The following NSF variants were observed in gnomAD, a reference collection of about 807,000 sequenced individuals.
NSF encodes vesicle-fusing ATPase.
NSF carries 14 observed loss-of-function variants against 50.3 expected under a neutral mutation model. The ratio of observed to expected loss-of-function variants is 0.28; its 90% CI spans 0.18 to 0.44. NSF has a LOEUF of 0.44. Among genes scored for constraint, NSF ranks in the 20% least tolerant of loss-of-function variants. The probability of loss-of-function intolerance (pLI) is 1.00; values close to 1 mark genes in which losing one functional copy is unlikely to be tolerated. For missense variants in NSF, 218 were observed against 504.3 expected (o/e 0.43, Z 5.44); for synonymous variants, 109 against 175.7 (o/e 0.62, Z 3.00).
chr17:46,746,825 G>A (rs935529628), intron 17 of NSF, among the ~76,000 whole-genome samples: 1 of 152,138 alleles, frequency 6.6e-6, no homozygotes, highest in African/African-American at 2.4e-5. Context: ...CAGTAAAATG[G>A]GGATAGTAGT....
chr17:46,752,332 A>G (rs998899214), intron 19 of NSF, among the ~76,000 whole-genome samples: 4 of 152,138 alleles, frequency 2.6e-5, no homozygotes, highest in African/African-American at 9.7e-5. Flanking sequence ...TATCTGACAT[A>G]CTAGGTAGCT....
At chr17:46,732,859 T>C (rs2058963667) in intron 17 of NSF, among the ~76,000 whole-genome samples, 1 of 152,212 alleles carries the variant, frequency 6.6e-6, no homozygotes, top group African/African-American at 2.4e-5. Flanking sequence ...AAAAAAGGGC[T>C]TCTCTGAGAA....
intron 17 of NSF, among the ~76,000 whole-genome samples, chr17:46,749,032 A>G (rs895362665): frequency 6.6e-6 from 1 of 152,226 alleles, no homozygotes; most frequent in Non-Finnish European, 1.5e-5. Flanking sequence ...TTAATAATAA[A>G]TCCCCATCTT....
intron 19 of NSF, 124 bp from the exon 20 acceptor site, chr17:46,755,190 A>G: frequency 1.4e-6 from 1 of 700,058 alleles, no homozygotes. Context: ...GGAGCAGGTA[A>G]CACATTCAGT....
At chr17:46,752,996 T>A (rs2059197007) in intron 19 of NSF, among the ~76,000 whole-genome samples, 1 of 152,230 alleles carries the variant, frequency 6.6e-6, no homozygotes, top group South Asian at 2.1e-4. Flanking sequence ...CTCGATCTAC[T>A]GACCTCAGGT....
intron 15 of NSF, 88 bp downstream of exon 15, chr17:46,714,074 A>T (rs1456584722): frequency 2.2e-6 from 3 of 1,339,166 alleles, no homozygotes; most frequent in Non-Finnish European, 2.0e-6. Context: ...ATGTATACAT[A>T]TAAACCCATA....
At chr17:46,711,856 G>A (rs1298577992) in intron 14 of NSF, among the ~76,000 whole-genome samples, 1 of 152,176 alleles carries the variant, frequency 6.6e-6, no homozygotes, top group African/African-American at 2.4e-5. Context: ...TGGGGAGGAT[G>A]TTTGAGGCAG....
chr17:46,745,572 G>A (rs2059119990), intron 17 of NSF, among the ~76,000 whole-genome samples: 1 of 152,200 alleles, frequency 6.6e-6, no homozygotes, highest in Admixed American at 6.5e-5. Flanking sequence ...CGGCTTTCTG[G>A]AATGAGTAAG....
intron 8 of NSF, among the ~76,000 whole-genome samples, chr17:46,667,639 A>AT (rs1381591630): frequency 7.4e-6 from 1 of 134,322 alleles, no homozygotes; most frequent in African/African-American, 2.7e-5. Flanking sequence ...TTCTTTAGAG[A>AT]TTTTTCACCT....
At chr17:46,709,666 T>G (rs1192499890) in intron 13 of NSF, among the ~76,000 whole-genome samples, 5 of 152,032 alleles carry the variant, frequency 3.3e-5, no homozygotes, top group African/African-American at 1.2e-4. Flanking sequence ...AGCTAATTTT[T>G]GTATTTTTAG....
At position 46,728,953 on chromosome 17, in the gene NSF, T is replaced by C. The variant is rs1418078950; in HGVS notation, c.1908+19T>C. Reference sequence around the variant, plus strand: ...TCCTCAGGTAAAATAATACTACTAATAAGGAATATTTTAACAAAGAGTTTT... The same window carrying C: ...TCCTCAGGTAAAATAATACTACTAACAAGGAATATTTTAACAAAGAGTTTT... On this transcript the variant is annotated intron_variant, in intron 17 of 20. Transcript: ENST00000398238. The C allele has an allele frequency of 7.1e-7, 1 of 1,410,646 alleles. No individual in the cohort carries two copies. The highest frequency in any genetic ancestry group is 1.2e-5 in the South Asian group (1 of 81,766). The allele number at this position is 1,410,646 out of a possible 1,614,324, so 87.4% of individuals were successfully genotyped here. A position where few individuals can be genotyped will look rare whatever the true frequency, so the allele number is the denominator to read the frequency against.
At chr17:46,697,132 T>C (rs1010701086) in intron 12 of NSF, among the ~76,000 whole-genome samples, 1 of 83,532 alleles carries the variant, frequency 1.2e-5, no homozygotes, top group African/African-American at 3.0e-5. Context: ...TAAATCCTTA[T>C]CTTATTCACC....
rs969601817 is a variant in NSF, at chr17:46,735,233, A to G, written c.1908+6299A>G. Among the ~76,000 whole-genome samples, 3 of 152,170 alleles carry G rather than the reference A, an allele frequency of 2.0e-5. No homozygotes were observed. The East Asian group carries it at 5.8e-4, about 29-fold the overall frequency. ...ATATATGCCATTTTCTGATAACTCA[A>G]AATTAAATATCTAAATTTTAATCAT... On this transcript the variant is annotated intron_variant, in intron 17 of 20. Coordinates refer to ENST00000398238, the MANE Select transcript of NSF (RefSeq NM_006178.4).
intron 9 of NSF, among the ~76,000 whole-genome samples, chr17:46,691,551 C>T (rs1455746657): frequency 2.7e-5 from 4 of 149,520 alleles, no homozygotes; most frequent in Non-Finnish European, 5.9e-5. Context: ...GCTAAGATTG[C>T]GTCATTGCAC....
chr17:46,714,607 ATC>A (rs370710222), intron 15 of NSF, among the ~76,000 whole-genome samples: 2 of 152,330 alleles, frequency 1.3e-5, no homozygotes, highest in African/African-American at 4.8e-5. Context: ...CATTTGGTCC[ATC>A]TCTCTTACAT....
intron 17 of NSF, among the ~76,000 whole-genome samples, chr17:46,747,477 G>C (rs1049252303): frequency 6.6e-6 from 1 of 151,922 alleles, no homozygotes; most frequent in South Asian, 2.1e-4. Flanking sequence ...ATGAGGTTTC[G>C]CCATGTTACC....
chr17:46,708,838 T>G (rs1228797419), intron 13 of NSF, among the ~76,000 whole-genome samples: 1 of 137,706 alleles, frequency 7.3e-6, no homozygotes, highest in Non-Finnish European at 1.6e-5. Flanking sequence ...TTTTTTTTTT[T>G]TTTTTGAGAC....
chr17:46,722,163 A>C, intron 15 of NSF: 2 of 1,611,794 alleles, frequency 1.2e-6, no homozygotes, highest in Non-Finnish European at 1.7e-6. Context: ...GCTCGAACTG[A>C]ACATGGCTTT....
At chr17:46,646,526 AAAAAAAAAAGAAG>A (rs1471436661) in intron 8 of NSF, among the ~76,000 whole-genome samples, 1 of 3,066 alleles carries the variant, frequency 3.3e-4, no homozygotes, top group African/African-American at 7.4e-4. Flanking sequence ...AAAAAAAAAA[AAAAAAAAAAGAAG>A]AAGATAATGT....
Sources: allele counts gnomAD v4.1 joint callset (sites outside exome capture counted in the v4.1 genomes callset), GRCh38; gene constraint gnomAD v4.1.1; transcripts MANE v1.5; gene names NCBI Gene and HGNC (gene_info 2026-07-23, HGNC 2026-07-21).